CRACD: variants seen among roughly 807,000 people sequenced by gnomAD.
CRACD encodes the protein capping protein-inhibiting regulator of actin dynamics.
In CRACD, 56 loss-of-function variants were observed where a neutral mutation model predicts 106.8. The ratio of observed to expected loss-of-function variants is 0.52; its 90% CI spans 0.42 to 0.66. The LOEUF (loss-of-function observed/expected upper bound fraction) is 0.66. Among genes scored for constraint, CRACD ranks in the 30% least tolerant of loss-of-function variants. CRACD has a pLI of 0.00. For synonymous variants in CRACD, 754 were observed against 670.8 expected, an observed-to-expected ratio of 1.12 and a Z score of -1.92; for missense variants, 1,730 against 1,623.2, an observed-to-expected ratio of 1.07 and a Z score of -1.13.
chr4:56,241,646 G>A (rs535381432), intron 2 of CRACD, among the ~76,000 whole-genome samples: 5 of 152,302 alleles, frequency 3.3e-5, no homozygotes, highest in African/African-American at 1.2e-4. Flanking sequence ...TTTAGTGGGG[G>A]AGACTGACAA....
intron 1 of CRACD, 61 bp from the exon 2 acceptor site, chr4:56,179,223 A>G (rs1736711608): frequency 6.6e-6 from 1 of 151,960 alleles, no homozygotes; most frequent in Non-Finnish European, 1.5e-5. Flanking sequence ...TTCATTTTAA[A>G]GGCTCCCCAA....
intron 3 of CRACD, among the ~76,000 whole-genome samples, chr4:56,290,008 G>T (rs1031288921): frequency 8.5e-5 from 13 of 152,152 alleles, no homozygotes; most frequent in Non-Finnish European, 1.5e-4. Flanking sequence ...TGCAGTGGCT[G>T]TTGGCTGTGT....
chr4:56,072,127 C>CAA lies in CRACD; in HGVS notation c.-336+22844_-336+22845dup, dbSNP rs531354263. ...TGGGCGACAGAGCGAGACTCCGTCTCAAAAAAAAAAAAAAAAAGAAAAGTT... is the reference window on the plus strand; with the variant it reads ...TGGGCGACAGAGCGAGACTCCGTCTCAAAAAAAAAAAAAAAAAAAGAAAAGTT... On this transcript the variant is annotated intron_variant, in intron 1 of 10. Transcript: ENST00000682029. Among the ~76,000 whole-genome samples the CAA allele has an allele frequency of 3.2e-3, 295 of 91,388 alleles. 1 individual carries two copies. The highest frequency in any genetic ancestry group is 4.8e-3 in the African/African-American group (121 of 25,420). The allele number at this position is 91,388 out of a possible 152,430, so 60.0% of individuals were successfully genotyped here. A position where few individuals can be genotyped will look rare whatever the true frequency, so the allele number is the denominator to read the frequency against.
intron 2 of CRACD, among the ~76,000 whole-genome samples, chr4:56,202,532 C>T (rs1027818744): frequency 6.6e-6 from 1 of 152,174 alleles, no homozygotes; most frequent in Non-Finnish European, 1.5e-5. Flanking sequence ...CAGGTGTGAG[C>T]CACCGCGCCC....
Position 56,091,364 on chromosome 4 carries a change from C to CT in CRACD, c.-336+42080dup, listed in dbSNP as rs60218856. On this transcript the variant is annotated intron_variant, in intron 1 of 10. Coordinates refer to ENST00000682029, the MANE Select transcript of CRACD (RefSeq NM_001393381.1). ...GCCATTGTGACTGGCCAGAGTAGTT[C>CT]TTTTTTTTTTTTTTTAAACGCAGGC... Among the ~76,000 whole-genome samples the CT allele has an allele frequency of 7.4e-3, 1,085 of 146,780 alleles. 8 individuals are homozygous for CT. The highest frequency in any genetic ancestry group is 0.024 in the African/African-American group (974 of 39,924).
chr4:56,112,443 C>T lies in CRACD; in HGVS notation c.-336+63144C>T, dbSNP rs147483813. Among the ~76,000 whole-genome samples, 138 of 152,226 alleles carry T rather than the reference C, an allele frequency of 9.1e-4. 1 individual carries two copies. The East Asian group carries it at 0.023, about 26-fold the overall frequency. On this transcript the variant is annotated intron_variant, in intron 1 of 10. Coordinates refer to ENST00000682029, the MANE Select transcript of CRACD (RefSeq NM_001393381.1). ...GAAACCCCCAGATCATAGAAGGATTCAAAGATTTTTGGATTTGCAATTGGT... is the reference window on the plus strand; with the variant it reads ...GAAACCCCCAGATCATAGAAGGATTTAAAGATTTTTGGATTTGCAATTGGT...
intron 2 of CRACD, among the ~76,000 whole-genome samples, chr4:56,266,480 G>A (rs1286585752): frequency 6.6e-6 from 1 of 152,196 alleles, no homozygotes; most frequent in Non-Finnish European, 1.5e-5. Context: ...CCCAGCAAAA[G>A]TAAATTTTGT....
At chr4:56,206,767 G>A (rs981215496) in intron 2 of CRACD, among the ~76,000 whole-genome samples, 23 of 152,090 alleles carry the variant, frequency 1.5e-4, no homozygotes, top group Non-Finnish European at 1.5e-5. Flanking sequence ...TTGTCCCTTA[G>A]GTGAGAGTGT....
intron 8 of CRACD, among the ~76,000 whole-genome samples, chr4:56,320,049 T>G (rs1745968367): frequency 6.6e-6 from 1 of 151,820 alleles, no homozygotes; most frequent in Admixed American, 6.6e-5. Context: ...GGTGGGCACC[T>G]GTAATCCCAG....
chr4:56,235,124 T>A (rs1739889402), intron 2 of CRACD, among the ~76,000 whole-genome samples: 1 of 152,170 alleles, frequency 6.6e-6, no homozygotes, highest in Non-Finnish European at 1.5e-5. Context: ...TACCCTATAT[T>A]CACATGATTG....
chr4:56,139,211 A>G (rs2127198), intron 1 of CRACD, among the ~76,000 whole-genome samples: 14 of 152,070 alleles, frequency 9.2e-5, no homozygotes, highest in Non-Finnish European at 1.6e-4. Flanking sequence ...AATAATCATT[A>G]TATGTCATAA....
chr4:56,103,393 G>A (rs1733843624), intron 1 of CRACD, among the ~76,000 whole-genome samples: 1 of 152,188 alleles, frequency 6.6e-6, no homozygotes, highest in South Asian at 2.1e-4. Flanking sequence ...CTTGAACCCA[G>A]TGGTTTGACA....
intron 1 of CRACD, among the ~76,000 whole-genome samples, chr4:56,115,952 A>G (rs1381112336): frequency 1.3e-5 from 2 of 152,158 alleles, no homozygotes; most frequent in Non-Finnish European, 2.9e-5. Context: ...ACAGTGACCC[A>G]TTTTCAGAAT....
At chr4:56,235,516 G>A (rs924739607) in intron 2 of CRACD, among the ~76,000 whole-genome samples, 3 of 152,180 alleles carry the variant, frequency 2.0e-5, no homozygotes, top group Non-Finnish European at 2.9e-5. Flanking sequence ...TTTGAACAAA[G>A]GTATCAGACA....
chr4:56,155,202 C>T (rs1305185073), intron 1 of CRACD, among the ~76,000 whole-genome samples: 1 of 152,028 alleles, frequency 6.6e-6, no homozygotes, highest in Non-Finnish European at 1.5e-5. Context: ...GAAGGAGGGG[C>T]CCCTATTTGG....
At chr4:56,249,598 G>A (rs574232189) in intron 2 of CRACD, among the ~76,000 whole-genome samples, 1 of 152,062 alleles carries the variant, frequency 6.6e-6, no homozygotes, top group Non-Finnish European at 1.5e-5. Context: ...AGAATACGAG[G>A]CACCTGCCTT....
intron 1 of CRACD, among the ~76,000 whole-genome samples, chr4:56,149,526 C>G (rs1445337923): frequency 6.6e-6 from 1 of 152,124 alleles, no homozygotes; most frequent in African/African-American, 2.4e-5. Flanking sequence ...GCACATAAAA[C>G]TCCTGAAAAA....
chr4:56,204,196 G>A (rs750562854), intron 2 of CRACD, among the ~76,000 whole-genome samples: 8 of 152,210 alleles, frequency 5.3e-5, no homozygotes, highest in Non-Finnish European at 7.3e-5. Flanking sequence ...AACCTGGTTG[G>A]TCCATTGCCA....
chr4:56,145,518 A>T (rs983554981), intron 1 of CRACD, among the ~76,000 whole-genome samples: 3 of 152,176 alleles, frequency 2.0e-5, no homozygotes, highest in Admixed American at 2.0e-4. Context: ...ACACAGTTTG[A>T]GGGTTTCAAA....
Sources: gnomAD v4.1 joint callset for allele counts (sites outside exome capture counted in the v4.1 genomes callset) on GRCh38, gnomAD v4.1.1 for gene constraint, MANE v1.5 for transcripts, NCBI Gene and HGNC (gene_info 2026-07-23, HGNC 2026-07-21) for gene names.